The following ADAM23 variants were observed in gnomAD, a reference collection of about 807,000 sequenced individuals.
ADAM23 encodes ADAM metallopeptidase domain 23, also known as disintegrin and metalloproteinase domain-containing protein 23.
In ADAM23, 33 loss-of-function variants were observed where a neutral mutation model predicts 120.1. The observed-to-expected ratio is 0.27, with a 90% CI of 0.21 to 0.37. The LOEUF (loss-of-function observed/expected upper bound fraction) is 0.37. ADAM23 is among the 10% of genes least tolerant of loss of function. The pLI is 1.00. For synonymous variants in ADAM23, 367 were observed against 375.2 expected (o/e 0.98, Z 0.25); for missense variants, 862 against 1,058.2 (o/e 0.81, Z 2.57).
intron 3 of ADAM23, among the ~76,000 whole-genome samples, chr2:206,491,760 A>G (rs1219606230): frequency 6.6e-6 from 1 of 152,246 alleles, no homozygotes; most frequent in African/African-American, 2.4e-5. Context: ...CAAGAATTTT[A>G]TCTCTCTAGA....
intron 3 of ADAM23, among the ~76,000 whole-genome samples, chr2:206,529,750 C>G (rs909596245): frequency 1.3e-5 from 2 of 152,066 alleles, no homozygotes; most frequent in Non-Finnish European, 2.9e-5. Context: ...CAAGCAATCT[C>G]TGGCCATTCT....
At position 206,530,878 on chromosome 2, in the gene ADAM23, T is replaced by A; in HGVS notation, c.510-7T>A. ...GCAGAAATCACTCTATTTTCTTTCCTTTGTAGTGGTTTGTTGTCTTCTGAT... is the reference window on the plus strand; with the variant it reads ...GCAGAAATCACTCTATTTTCTTTCCATTGTAGTGGTTTGTTGTCTTCTGAT... On this transcript the variant is annotated splice_region_variant and splice_polypyrimidine_tract_variant and intron_variant, in intron 3 of 25. Transcript: ENST00000264377. 1.2e-6 allele frequency: 2 copies of A among 1,612,960 alleles called. No homozygotes were observed. The highest frequency in any genetic ancestry group is 1.7e-6 in the Non-Finnish European group (2 of 1,179,204).
At chr2:206,501,340 C>CT (rs557819606) in intron 3 of ADAM23, among the ~76,000 whole-genome samples, 70 of 149,144 alleles carry the variant, frequency 4.7e-4, no homozygotes, top group African/African-American at 1.1e-3. Flanking sequence ...CTATCAAGTA[C>CT]TTTTTTTTTT....
intron 3 of ADAM23, among the ~76,000 whole-genome samples, chr2:206,483,118 A>C (rs1695930964): frequency 6.6e-6 from 1 of 152,218 alleles, no homozygotes; most frequent in Non-Finnish European, 1.5e-5. Context: ...TCCTGTTCTC[A>C]GGAAGTGCTA....
At chr2:206,581,351 AG>A (rs1476500627) in intron 18 of ADAM23, among the ~76,000 whole-genome samples, 1 of 152,068 alleles carries the variant, frequency 6.6e-6, no homozygotes, top group Non-Finnish European at 1.5e-5. Context: ...CTTTTGATGT[AG>A]GCATTTAGGG....
chr2:206,448,454 T>A (rs767531513), intron 2 of ADAM23, among the ~76,000 whole-genome samples: 1 of 152,194 alleles, frequency 6.6e-6, no homozygotes, highest in Non-Finnish European at 1.5e-5. Context: ...ATTATCCTGT[T>A]TCCTGGTACA....
chr2:206,563,118 CAG>C (rs1209344115), intron 13 of ADAM23, among the ~76,000 whole-genome samples: 2 of 152,086 alleles, frequency 1.3e-5, no homozygotes, highest in African/African-American at 4.8e-5. Flanking sequence ...ATTTTTATGA[CAG>C]TGGGCAACGA....
intron 3 of ADAM23, among the ~76,000 whole-genome samples, chr2:206,503,854 C>T (rs1041378586): frequency 6.6e-6 from 1 of 152,104 alleles, no homozygotes; most frequent in Non-Finnish European, 1.5e-5. Flanking sequence ...TACTTAAAAA[C>T]CACTCAGAGT....
intron 3 of ADAM23, among the ~76,000 whole-genome samples, chr2:206,485,077 A>G (rs1189729242): frequency 6.6e-6 from 1 of 152,218 alleles, no homozygotes; most frequent in Admixed American, 6.5e-5. Context: ...CTTTATGAGC[A>G]GCATGAGAAT....
At chr2:206,453,149 C>T (rs2300978) in intron 2 of ADAM23, among the ~76,000 whole-genome samples, 47,737 of 152,092 alleles carry the variant, frequency 0.31, 7,617 homozygotes, top group African/African-American at 0.35. Flanking sequence ...CCTTTCAGCA[C>T]TTTTCCAGGC....
Position 206,594,869 on chromosome 2 carries a change from A to G in ADAM23, c.2211A>G (p.Pro737=), listed in dbSNP as rs776935092. Residue 737 remains proline (P), a synonymous_variant, in exon 23 of 26, where the codon CCA becomes CCG. Coordinates refer to ENST00000264377, the MANE Select transcript of ADAM23 (RefSeq NM_003812.4). The part of the protein sequence containing the change: ...QIQALNMSSC[P]LDSKGKVCSG... ...AAGCCCTAAATATGAGCAGCTGTCC[A>G]CTCGATTCCAAGGGTAAAGTCTGTT... 5.6e-6 allele frequency: 9 copies of G among 1,613,858 alleles called. No individual in the cohort carries two copies. The East Asian group carries it at 1.8e-4, about 32-fold the overall frequency.
At chr2:206,521,429 A>G (rs1574510961) in intron 3 of ADAM23, among the ~76,000 whole-genome samples, 1 of 152,272 alleles carries the variant, frequency 6.6e-6, no homozygotes, top group African/African-American at 2.4e-5. Flanking sequence ...TAAAGGAACT[A>G]TGCTTCTTTT....
chr2:206,452,260 C>G (rs764954932), intron 2 of ADAM23, among the ~76,000 whole-genome samples: 9 of 152,214 alleles, frequency 5.9e-5, no homozygotes, highest in African/African-American at 1.9e-4. Context: ...TTATTCTCTT[C>G]CATAAAGTCT....
At chr2:206,463,240 T>C (rs1473074363) in intron 2 of ADAM23, among the ~76,000 whole-genome samples, 2 of 152,192 alleles carry the variant, frequency 1.3e-5, no homozygotes, top group Admixed American at 6.5e-5. Context: ...TCCTGGATTA[T>C]CTGGGTGGGC....
chr2:206,506,357 A>G (rs1696497254), intron 3 of ADAM23, among the ~76,000 whole-genome samples: 1 of 152,216 alleles, frequency 6.6e-6, no homozygotes, highest in Non-Finnish European at 1.5e-5. Context: ...GTAGGAAAAT[A>G]AAGTAGAAGC....
At chr2:206,541,907 C>T (rs1389747760) in intron 4 of ADAM23, 145 bp from the exon 5 acceptor site, 1 of 765,936 alleles carries the variant, frequency 1.3e-6, no homozygotes, top group Non-Finnish European at 2.1e-6. Context: ...GTCTTATTTG[C>T]AACTTTATAT....
At chr2:206,613,631 G>A (rs1162938289) in intron 25 of ADAM23, among the ~76,000 whole-genome samples, 2 of 152,144 alleles carry the variant, frequency 1.3e-5, no homozygotes, top group Non-Finnish European at 2.9e-5. Flanking sequence ...GACTCATGGA[G>A]ACTCATGACA....
intron 3 of ADAM23, among the ~76,000 whole-genome samples, chr2:206,489,897 C>G (rs527422572): frequency 1.3e-5 from 2 of 152,160 alleles, no homozygotes; most frequent in Non-Finnish European, 2.9e-5. Context: ...GAGGAAAACA[C>G]GGAAGGTCCC....
chr2:206,475,942 A>G (rs2105873033), intron 2 of ADAM23, among the ~76,000 whole-genome samples: 1 of 152,296 alleles, frequency 6.6e-6, no homozygotes, highest in African/African-American at 2.4e-5. Context: ...TTATGGTTAC[A>G]CACACACACT....
Sources: allele counts gnomAD v4.1 joint callset (sites outside exome capture counted in the v4.1 genomes callset), GRCh38; gene constraint gnomAD v4.1.1; transcripts MANE v1.5; gene names NCBI Gene and HGNC (gene_info 2026-07-23, HGNC 2026-07-21).